The following NEK5 variants were observed in gnomAD, a reference collection of about 807,000 sequenced individuals.
NEK5 encodes the protein serine/threonine-protein kinase Nek5.
NEK5 carries 88 observed loss-of-function variants against 109.2 expected under a neutral mutation model. That is an observed-to-expected ratio of 0.81 (90% CI 0.68 to 0.96). The LOEUF is 0.96. Ranked by LOEUF, NEK5 falls within the 40% of genes least tolerant of loss-of-function variation. The pLI, the probability that NEK5 is intolerant of heterozygous loss-of-function variation, is 0.00. For synonymous variants in NEK5, 283 were observed against 299.9 expected, an observed-to-expected ratio of 0.94 and a Z score of 0.58; for missense variants, 834 against 920.7, an observed-to-expected ratio of 0.91 and a Z score of 1.22.
Position 52,127,353 on chromosome 13 carries a change from A to AACT in NEK5, c.117+10_117+12dup, listed in dbSNP as rs2138160383. The stretch of plus-strand genomic sequence containing the variant: ...CCCACTGAAAATTAACAGAAATTTG[A>AACT]ACTTAACTTTACCTTTTCAAAATTG... On this transcript the variant is annotated intron_variant, in intron 3 of 23. Transcript: ENST00000684899. The AACT allele has an allele frequency of 1.4e-6, 1 of 723,230 alleles. No homozygotes were observed. The highest frequency in any genetic ancestry group is 2.2e-6 in the Non-Finnish European group (1 of 460,494). The allele number at this position is 723,230 out of a possible 1,614,324, so 44.8% of individuals were successfully genotyped here.
intron 12 of NEK5, among the ~76,000 whole-genome samples, chr13:52,094,996 C>A (rs558819841): frequency 1.3e-5 from 2 of 152,182 alleles, no homozygotes; most frequent in Admixed American, 6.5e-5. Context: ...TAGCTCATCG[C>A]AGCTTCAAAC....
Position 52,054,456 on chromosome 13 carries a change from G to A in NEK5, c.2111-4235C>T, listed in dbSNP as rs548105658. On this transcript the variant is annotated intron_variant, in intron 22 of 23. Coordinates refer to ENST00000684899, the MANE Select transcript of NEK5 (RefSeq NM_001365552.1). ...CTGCCTCAGCCTCCCAAAGGGCTGG[G>A]ATTACAGGCATGAGCCTGGCCAGGT... Among the ~76,000 whole-genome samples, 11 of 152,370 alleles carry A rather than the reference G, an allele frequency of 7.2e-5. 1 individual carries two copies. Among genetic ancestry groups the A allele is most frequent in the African/African-American group, 2.4e-4 (10 of 41,594 alleles).
At chr13:52,084,301 G>A (rs749297365) in intron 16 of NEK5, among the ~76,000 whole-genome samples, 2 of 152,052 alleles carry the variant, frequency 1.3e-5, no homozygotes, top group Non-Finnish European at 2.9e-5. Flanking sequence ...AAAAATCACA[G>A]TTCACAGCAG....
intron 22 of NEK5, among the ~76,000 whole-genome samples, chr13:52,061,294 T>G (rs1243151743): frequency 2.0e-5 from 3 of 152,168 alleles, no homozygotes; most frequent in African/African-American, 7.2e-5. Context: ...CAGGCAGTAA[T>G]GCTCACCTGC....
At chr13:52,060,363 G>GT (rs980038790) in intron 22 of NEK5, among the ~76,000 whole-genome samples, 8 of 150,274 alleles carry the variant, frequency 5.3e-5, no homozygotes, top group South Asian at 2.1e-4. Flanking sequence ...ACTTTTTTTT[G>GT]TTTTTTTTTA....
intron 23 of NEK5, among the ~76,000 whole-genome samples, chr13:52,044,817 G>A (rs1205312948): frequency 2.0e-5 from 3 of 152,070 alleles, no homozygotes; most frequent in African/African-American, 7.2e-5. Context: ...GGAATGAAAG[G>A]GACACAGACA....
chr13:52,068,837 G>A (rs1401301782), intron 20 of NEK5, among the ~76,000 whole-genome samples: 3 of 152,062 alleles, frequency 2.0e-5, no homozygotes, highest in Admixed American at 6.6e-5. Context: ...GCTAGGCGTG[G>A]TGGCGCGCAC....
chr13:52,127,694 C>T (rs990365027), intron 1 of NEK5, 32 bp from the exon 2 acceptor site: 1 of 496,828 alleles, frequency 2.0e-6, no homozygotes. Flanking sequence ...TGGTCAGACA[C>T]GGGTCATAGC....
Position 52,099,786 on chromosome 13 carries a change from C to A in NEK5, c.983G>T (p.Arg328Ile), listed in dbSNP as rs777248159. 6.2e-7 allele frequency: 1 copy of A among 1,613,896 alleles called. No individual in the cohort carries two copies. The highest frequency in any genetic ancestry group is 1.7e-5 in the Admixed American group (1 of 60,012). The change falls in exon 12 of 24, where the codon AGA (arginine) becomes ATA (isoleucine). Residue 328 changes from arginine (R) to isoleucine (I), a missense_variant. Transcript: ENST00000684899. ...TCCAGCTGGTGGTCTCCATTCATTT[C>A]TATGCAATATAGCATTCCTTTTAAT... ...VPIKRNAILH[R>I]NEWRPPAGAQ...
At chr13:52,051,235 A>G (rs1378917199) in intron 22 of NEK5, among the ~76,000 whole-genome samples, 1 of 151,812 alleles carries the variant, frequency 6.6e-6, no homozygotes, top group Non-Finnish European at 1.5e-5. Context: ...GCTGAGAAAA[A>G]TGTACAACTT....
In NEK5 at chr13:52,108,045, G is replaced by A. The variant is rs527861808; in HGVS notation, c.554+273C>T. Among the ~76,000 whole-genome samples the A allele has an allele frequency of 1.2e-4, 19 of 152,096 alleles. No homozygotes were observed. The South Asian group carries it at 3.3e-3, about 27-fold the overall frequency. On this transcript the variant is annotated intron_variant, in intron 8 of 23. Transcript: ENST00000684899. ...CTGAAAAACTTTGTAATTTTGAGTC[G>A]GTCTGGTGATAATTTCCAGGCCTTC...
chr13:52,120,815 G>A (rs952558128), intron 3 of NEK5, among the ~76,000 whole-genome samples: 6 of 151,934 alleles, frequency 3.9e-5, no homozygotes, highest in African/African-American at 1.5e-4. Flanking sequence ...AGGAGGCTGA[G>A]GCAGGAGAAT....
chr13:52,078,586 A>G (rs1490613575), intron 17 of NEK5, among the ~76,000 whole-genome samples: 3 of 125,976 alleles, frequency 2.4e-5, no homozygotes, highest in South Asian at 5.3e-4. Flanking sequence ...ATATCTCAAT[A>G]AAACTGTTTT....
intron 4 of NEK5, 56 bp from the exon 5 acceptor site, chr13:52,112,421 G>T: frequency 8.7e-7 from 1 of 1,150,048 alleles, no homozygotes; most frequent in Non-Finnish European, 1.3e-6. Flanking sequence ...TATCAGCCAT[G>T]TTCTGGCTGT....
intron 11 of NEK5, among the ~76,000 whole-genome samples, chr13:52,100,510 C>G (rs1285924083): frequency 6.6e-6 from 1 of 152,230 alleles, no homozygotes; most frequent in Admixed American, 6.5e-5. Context: ...GACCTGCCCT[C>G]CTTGGCCTCC....
At chr13:52,097,317 T>C (rs1355023567) in intron 12 of NEK5, among the ~76,000 whole-genome samples, 2 of 152,138 alleles carry the variant, frequency 1.3e-5, no homozygotes, top group Non-Finnish European at 2.9e-5. Flanking sequence ...AAACGGTAGA[T>C]TGAACGACAG....
intron 22 of NEK5, among the ~76,000 whole-genome samples, chr13:52,057,066 A>G (rs1379156293): frequency 6.6e-6 from 1 of 152,136 alleles, no homozygotes; most frequent in Non-Finnish European, 1.5e-5. Context: ...CTAATAAAGA[A>G]AAAAAGAGAG....
chr13:52,043,562 G>GAA (rs1954432444), intron 23 of NEK5, among the ~76,000 whole-genome samples: 1 of 145,516 alleles, frequency 6.9e-6, no homozygotes, highest in East Asian at 2.0e-4. Flanking sequence ...GAAAGAAAAA[G>GAA]AAAAAGAAAA....
chr13:52,092,151 G>T (rs1955296717), intron 13 of NEK5, among the ~76,000 whole-genome samples: 1 of 151,984 alleles, frequency 6.6e-6, no homozygotes, highest in African/African-American at 2.4e-5. Context: ...AGATGAAGAA[G>T]GGTTACAGGA....
Sources: gnomAD v4.1 joint callset for allele counts (sites outside exome capture counted in the v4.1 genomes callset) on GRCh38, gnomAD v4.1.1 for gene constraint, MANE v1.5 for transcripts, NCBI Gene and HGNC (gene_info 2026-07-23, HGNC 2026-07-21) for gene names.